The following SLC30A9 variants were observed in gnomAD, a reference collection of about 807,000 sequenced individuals.
SLC30A9 encodes proton-coupled zinc antiporter SLC30A9, mitochondrial.
A neutral mutation model predicts 87.5 loss-of-function variants in SLC30A9; 58 were observed. The observed-to-expected ratio is 0.66, with a 90% CI of 0.54 to 0.82. The LOEUF is 0.82. Among genes scored for constraint, SLC30A9 ranks in the 40% least tolerant of loss-of-function variants. The pLI is 0.00. For synonymous variants in SLC30A9, 234 were observed against 233.0 expected (o/e 1.00, Z -0.04); for missense variants, 557 against 679.1 (o/e 0.82, Z 2.00).
At position 42,086,632 on chromosome 4, in the gene SLC30A9, A is replaced by G. The variant is rs1405639048; in HGVS notation, c.*506A>G. The G allele has an allele frequency of 1.3e-5, 2 of 152,698 alleles. No individual in the cohort carries two copies. Among genetic ancestry groups the G allele is most frequent in the African/African-American group, 4.8e-5 (2 of 41,458 alleles). The allele number at this position is 152,698 out of a possible 1,614,324, so 9.5% of individuals were successfully genotyped here. A position where few individuals can be genotyped will look rare whatever the true frequency, so the allele number is the denominator to read the frequency against. ...CTGTCTTTCCTTATAGAATGTGGAAATTATTTCTCCATACCTTGTGATTTT... is the reference window on the plus strand; with the variant it reads ...CTGTCTTTCCTTATAGAATGTGGAAGTTATTTCTCCATACCTTGTGATTTT... On this transcript the variant is annotated 3_prime_UTR_variant, in exon 18 of 18. Transcript: ENST00000264451.
Position 42,022,102 on chromosome 4 carries a change from A to AT in SLC30A9, c.435-731dup, listed in dbSNP as rs375248714. Among the ~76,000 whole-genome samples the AT allele has an allele frequency of 4.1e-4, 11 of 27,136 alleles. 3 individuals are homozygous for AT. The highest frequency in any genetic ancestry group is 2.4e-3 in the Non-Finnish European group (8 of 3,398). The allele number at this position is 27,136 out of a possible 152,430, so 17.8% of individuals were successfully genotyped here. A position where few individuals can be genotyped will look rare whatever the true frequency, so the allele number is the denominator to read the frequency against. ...AGGCGCCCGCCACCACGCCCGGCTA[A>AT]TTTTTGTATTTTTAGTAGAGACAGG... On this transcript the variant is annotated intron_variant, in intron 4 of 17. Coordinates refer to ENST00000264451, the MANE Select transcript of SLC30A9 (RefSeq NM_006345.4).
rs1717783647 is a variant in SLC30A9, at chr4:42,060,134, A to G, written c.841-57A>G. 3 of 1,350,866 alleles carry G rather than the reference A, an allele frequency of 2.2e-6. No individual in the cohort carries two copies. In the South Asian group the frequency reaches 3.5e-5, roughly 16 times the overall value. 83.7% of individuals were successfully genotyped at this position (1,350,866 alleles called of 1,614,324 possible). The stretch of plus-strand genomic sequence containing the variant: ...CTGCACCCTCCACATTGGCTTTACC[A>G]TATTATACTCTCCATCTTGCTAATG... On this transcript the variant is annotated intron_variant, in intron 9 of 17. Transcript: ENST00000264451.
At chr4:42,003,640 A>G (rs901315971) in intron 2 of SLC30A9, among the ~76,000 whole-genome samples, 1 of 152,100 alleles carries the variant, frequency 6.6e-6, no homozygotes, top group Non-Finnish European at 1.5e-5. Flanking sequence ...TAATATGATC[A>G]TCTCTGTCTT....
chr4:42,069,286 A>G (rs535067272), intron 14 of SLC30A9, among the ~76,000 whole-genome samples: 11 of 152,318 alleles, frequency 7.2e-5, no homozygotes, highest in African/African-American at 2.6e-4. Context: ...ACATGAATTA[A>G]ATTTTTCTTA....
intron 10 of SLC30A9, 119 bp downstream of exon 10, chr4:42,060,365 C>T (rs1400695386): frequency 1.3e-6 from 1 of 777,100 alleles, no homozygotes; most frequent in Non-Finnish European, 2.2e-6. Context: ...TTGGTCATTT[C>T]TTCCACTGTA....
At chr4:42,014,579 T>TATATCAG (rs1432645060) in intron 2 of SLC30A9, among the ~76,000 whole-genome samples, 1 of 148,524 alleles carries the variant, frequency 6.7e-6, no homozygotes, top group African/African-American at 2.5e-5. Context: ...AGGAAATCGG[T>TATATCAG]ATATCAGAAG....
intron 5 of SLC30A9, 96 bp downstream of exon 5, chr4:42,023,026 T>G: frequency 1.4e-6 from 1 of 702,168 alleles, no homozygotes; most frequent in South Asian, 2.3e-5. Flanking sequence ...AAATGACTTT[T>G]TAAAAACAAT....
chr4:42,062,788 A>G (rs903584351), intron 10 of SLC30A9, among the ~76,000 whole-genome samples, 198 bp from the exon 11 acceptor site: 3 of 152,186 alleles, frequency 2.0e-5, no homozygotes, highest in Non-Finnish European at 4.4e-5. Flanking sequence ...AATGGTATTC[A>G]CTTTATGTAT....
At chr4:42,002,792 C>G (rs1008659957) in intron 2 of SLC30A9, among the ~76,000 whole-genome samples, 1 of 151,984 alleles carries the variant, frequency 6.6e-6, no homozygotes, top group Non-Finnish European at 1.5e-5. Context: ...TATACACTCC[C>G]TGATGGGATT....
At chr4:42,025,256 G>GTGAT (rs1218148722) in intron 6 of SLC30A9, among the ~76,000 whole-genome samples, 1 of 152,198 alleles carries the variant, frequency 6.6e-6, no homozygotes, top group Non-Finnish European at 1.5e-5. Context: ...GTCAGTTCAT[G>GTGAT]TGATGGTGAT....
intron 6 of SLC30A9, among the ~76,000 whole-genome samples, chr4:42,023,693 A>G (rs1396052443): frequency 6.6e-6 from 1 of 152,166 alleles, no homozygotes; most frequent in Non-Finnish European, 1.5e-5. Context: ...ATAGAATAGG[A>G]AGTAATTGCT....
chr4:42,086,282 C>T lies in SLC30A9; in HGVS notation c.*156C>T. 2 of 418,840 alleles carry T rather than the reference C, an allele frequency of 4.8e-6. No individual in the cohort carries two copies. The highest frequency in any genetic ancestry group is 4.4e-6 in the Non-Finnish European group (1 of 229,634). 25.9% of individuals were successfully genotyped at this position (418,840 alleles called of 1,614,324 possible). A position where few individuals can be genotyped will look rare whatever the true frequency, so the allele number is the denominator to read the frequency against. ...ATATTTTATGTAAAGAGCAACTCAG[C>T]AGGACACAGAACTAAAACTACTACT... On this transcript the variant is annotated 3_prime_UTR_variant, in exon 18 of 18. Coordinates refer to ENST00000264451, the MANE Select transcript of SLC30A9 (RefSeq NM_006345.4).
chr4:42,056,678 A>G (rs535284367), intron 9 of SLC30A9, among the ~76,000 whole-genome samples: 221 of 152,236 alleles, frequency 1.5e-3, no homozygotes, highest in African/African-American at 5.2e-3. Context: ...CCTTCCCAAC[A>G]GTCCCCCAAA....
chr4:42,027,638 T>C (rs1716252043), intron 6 of SLC30A9, among the ~76,000 whole-genome samples: 1 of 152,204 alleles, frequency 6.6e-6, no homozygotes, highest in African/African-American at 2.4e-5. Flanking sequence ...ATACAATATA[T>C]GTTGACATTA....
chr4:42,017,365 T>C (rs1417982230), intron 2 of SLC30A9, among the ~76,000 whole-genome samples: 1 of 95,746 alleles, frequency 1.0e-5, no homozygotes, highest in Non-Finnish European at 2.3e-5. Flanking sequence ...GCGGCCTTTC[T>C]TTTTTCTCTG....
At chr4:42,045,930 T>C (rs1199165102) in intron 8 of SLC30A9, among the ~76,000 whole-genome samples, 1 of 152,144 alleles carries the variant, frequency 6.6e-6, no homozygotes, top group Non-Finnish European at 1.5e-5. Context: ...TGCATCAACA[T>C]ATGCAAAATA....
chr4:42,017,260 T>G (rs1374047331), intron 2 of SLC30A9, among the ~76,000 whole-genome samples: 2 of 152,190 alleles, frequency 1.3e-5, no homozygotes, highest in Admixed American at 1.3e-4. Flanking sequence ...CTATTTTTTC[T>G]AATGGATTGT....
intron 9 of SLC30A9, among the ~76,000 whole-genome samples, chr4:42,055,870 A>C (rs1717589987): frequency 6.6e-6 from 1 of 152,234 alleles, no homozygotes. Flanking sequence ...AAGGGTGATC[A>C]TGGAGTAGAG....
Position 42,075,657 on chromosome 4 carries a change from G to A in SLC30A9, c.1419G>A (p.Arg473=). 2.5e-6 allele frequency: 4 copies of A among 1,612,734 alleles called. No homozygotes were observed. The highest frequency in any genetic ancestry group is 3.4e-6 in the Non-Finnish European group (4 of 1,179,224). ...TTGTATGCATTGTTATTGATTGCAG[G>A]GCAATTCATGATGTTAAAGCCACAG... ...TELLENDPSV[R]AIHDVKATDL... Residue 473 remains arginine, a splice_region_variant and synonymous_variant, in exon 16 of 18, where the codon AGG becomes AGA. Transcript: ENST00000264451.
Sources: allele counts gnomAD v4.1 joint callset (sites outside exome capture counted in the v4.1 genomes callset), GRCh38; gene constraint gnomAD v4.1.1; transcripts MANE v1.5; gene names NCBI Gene and HGNC (gene_info 2026-07-23, HGNC 2026-07-21).